Variants in CDH13 observed in about 807,000 individuals in gnomAD.
The protein encoded by CDH13 is cadherin-13.
In CDH13, 24 loss-of-function variants were observed where a neutral mutation model predicts 63.8. That is an observed-to-expected ratio of 0.38 (90% CI 0.27 to 0.53). The LOEUF (loss-of-function observed/expected upper bound fraction) is 0.53, where lower values mean the gene tolerates loss of function less well. CDH13 is among the 20% of genes least tolerant of loss of function. The pLI is 0.85. For missense variants in CDH13, 1,049 were observed against 903.1 expected (o/e 1.16, Z -2.07); for synonymous variants, 503 against 355.3 (o/e 1.42, Z -4.67).
chr16:83,264,375 C>T (rs181425557), intron 5 of CDH13, among the ~76,000 whole-genome samples: 4 of 152,150 alleles, frequency 2.6e-5, no homozygotes, highest in South Asian at 2.1e-4. Context: ...TTTGGCCAAT[C>T]GCTTTTTGAA....
chr16:83,153,415 G>A (rs1055751033), intron 4 of CDH13, among the ~76,000 whole-genome samples: 6 of 152,258 alleles, frequency 3.9e-5, no homozygotes, highest in African/African-American at 1.4e-4. Flanking sequence ...GTATCTTACA[G>A]CCTCCAGCTG....
At chr16:83,387,308 G>T (rs570946106) in intron 6 of CDH13, among the ~76,000 whole-genome samples, 2 of 152,276 alleles carry the variant, frequency 1.3e-5, no homozygotes, top group African/African-American at 2.4e-5. Context: ...ATGTGAACTG[G>T]AAAGTTCTTA....
At chr16:82,667,345 G>T (rs1232970003) in intron 1 of CDH13, among the ~76,000 whole-genome samples, 2 of 152,208 alleles carry the variant, frequency 1.3e-5, no homozygotes, top group African/African-American at 4.8e-5. Flanking sequence ...GGCGCGTACT[G>T]AGCTGGCCAT....
chr16:82,869,923 A>G (rs2040286259), intron 2 of CDH13, among the ~76,000 whole-genome samples: 1 of 152,208 alleles, frequency 6.6e-6, no homozygotes, highest in African/African-American at 2.4e-5. Flanking sequence ...TGGTCTTGGC[A>G]AAGATTTCTT....
At chr16:83,197,566 T>A (rs1220990528) in intron 4 of CDH13, among the ~76,000 whole-genome samples, 1 of 151,980 alleles carries the variant, frequency 6.6e-6, no homozygotes, top group Non-Finnish European at 1.5e-5. Context: ...AATGAAAAAT[T>A]ATGGAAATGG....
Position 83,768,775 on chromosome 16 carries a change from A to G in CDH13, c.1682-11193A>G, listed in dbSNP as rs148347284. ...ACTGTCATGGTGCTGGTTGGAGTGT[A>G]GCAATGAGGATGACCAGAGGTCACT... On this transcript the variant is annotated intron_variant, in intron 11 of 13. Coordinates refer to ENST00000567109, the MANE Select transcript of CDH13 (RefSeq NM_001257.5). 9.9e-3 allele frequency among the ~76,000 whole-genome samples: 1,497 copies of G among 151,814 alleles called. 11 individuals are homozygous for G. The highest frequency in any genetic ancestry group is 0.015 in the Non-Finnish European group (1,051 of 67,962).
chr16:83,443,610 C>G (rs2072549461), intron 6 of CDH13, among the ~76,000 whole-genome samples: 1 of 150,844 alleles, frequency 6.6e-6, no homozygotes, highest in Non-Finnish European at 1.5e-5. Flanking sequence ...GTGGTTCACA[C>G]CTGTAATCCC....
intron 6 of CDH13, among the ~76,000 whole-genome samples, chr16:83,353,170 C>T (rs2090990502): frequency 6.6e-6 from 1 of 152,236 alleles, no homozygotes; most frequent in South Asian, 2.1e-4. Context: ...GACGTCAGCA[C>T]TCTGCCACAT....
At chr16:82,834,443 AC>A (rs1230465343) in intron 1 of CDH13, among the ~76,000 whole-genome samples, 1 of 152,188 alleles carries the variant, frequency 6.6e-6, no homozygotes, top group Non-Finnish European at 1.5e-5. Context: ...ACTTAGTCAT[AC>A]AGCCATAAGA....
intron 10 of CDH13, among the ~76,000 whole-genome samples, chr16:83,719,137 C>G (rs1909339940): frequency 6.6e-6 from 1 of 152,204 alleles, no homozygotes; most frequent in Non-Finnish European, 1.5e-5. Context: ...GCCTCTCTTT[C>G]AGACAAATTA....
At chr16:82,686,764 C>G (rs1034647133) in intron 1 of CDH13, among the ~76,000 whole-genome samples, 1 of 152,102 alleles carries the variant, frequency 6.6e-6, no homozygotes, top group Non-Finnish European at 1.5e-5. Context: ...TCAAGAAGAG[C>G]CTTTATAAAT....
At chr16:83,079,122 C>G (rs1314226920) in intron 3 of CDH13, among the ~76,000 whole-genome samples, 1 of 152,140 alleles carries the variant, frequency 6.6e-6, no homozygotes, top group Non-Finnish European at 1.5e-5. Flanking sequence ...GAAGTTCACA[C>G]TCCACATTCC....
At chr16:82,775,015 A>T (rs998063425) in intron 1 of CDH13, among the ~76,000 whole-genome samples, 1 of 152,170 alleles carries the variant, frequency 6.6e-6, no homozygotes, top group African/African-American at 2.4e-5. Flanking sequence ...GACTCTACCT[A>T]ATGGCCCTAG....
At position 82,913,359 on chromosome 16, in the gene CDH13, G is replaced by A. The variant is rs566321367; in HGVS notation, c.157+54886G>A. Among the ~76,000 whole-genome samples the A allele has an allele frequency of 9.9e-5, 15 of 152,206 alleles. No homozygotes were observed. In the East Asian group the frequency reaches 2.5e-3, roughly 25 times the overall value. ...GTCCATTCCCACAGGAGCATGTGTCGTTCAGCCAGGTGCATGTTTTACCTT... is the reference window on the plus strand; with the variant it reads ...GTCCATTCCCACAGGAGCATGTGTCATTCAGCCAGGTGCATGTTTTACCTT... On this transcript the variant is annotated intron_variant, in intron 2 of 13. Transcript: ENST00000567109.
At chr16:83,142,127 C>G (rs1382444081) in intron 4 of CDH13, among the ~76,000 whole-genome samples, 2 of 151,252 alleles carry the variant, frequency 1.3e-5, no homozygotes, top group African/African-American at 4.9e-5. Context: ...TAAGTTGTCC[C>G]TGTGCCTGAA....
intron 1 of CDH13, among the ~76,000 whole-genome samples, chr16:82,757,557 C>T (rs1344718423): frequency 6.6e-6 from 1 of 152,012 alleles, no homozygotes; most frequent in Non-Finnish European, 1.5e-5. Context: ...GTTTAAAGCT[C>T]AATTTTAGGT....
intron 10 of CDH13, among the ~76,000 whole-genome samples, chr16:83,743,929 A>G (rs1912321126): frequency 6.6e-6 from 1 of 151,706 alleles, no homozygotes; most frequent in Non-Finnish European, 1.5e-5. Context: ...CGAGAAGCCC[A>G]GCCCCTGGAA....
At chr16:82,866,896 C>T (rs1406161315) in intron 2 of CDH13, among the ~76,000 whole-genome samples, 1 of 152,140 alleles carries the variant, frequency 6.6e-6, no homozygotes, top group African/African-American at 2.4e-5. Context: ...CAATGACCTC[C>T]CCCGATCTCT....
intron 6 of CDH13, among the ~76,000 whole-genome samples, chr16:83,484,571 C>T (rs907738572): frequency 2.6e-5 from 4 of 152,112 alleles, no homozygotes; most frequent in Admixed American, 2.6e-4. Flanking sequence ...ATTTTAATTG[C>T]CAAAGCAATA....
Sources: gnomAD v4.1 joint callset for allele counts (sites outside exome capture counted in the v4.1 genomes callset) on GRCh38, gnomAD v4.1.1 for gene constraint, MANE v1.5 for transcripts, NCBI Gene and HGNC (gene_info 2026-07-23, HGNC 2026-07-21) for gene names.